Variants in PRUNE2 observed in about 807,000 individuals in gnomAD.
PRUNE2 encodes the protein protein prune homolog 2.
PRUNE2 carries 164 observed loss-of-function variants against 252.0 expected under a neutral mutation model. The observed-to-expected ratio is 0.65, with a 90% CI of 0.57 to 0.74. The LOEUF (loss-of-function observed/expected upper bound fraction) is 0.74, where lower values mean the gene tolerates loss of function less well. Among genes scored for constraint, PRUNE2 ranks in the 30% least tolerant of loss-of-function variants. PRUNE2 has a pLI of 0.00. For missense variants in PRUNE2, 3,495 were observed against 3,711.0 expected (o/e 0.94, Z 1.51); for synonymous variants, 1,292 against 1,350.2 (o/e 0.96, Z 0.94).
At chr9:76,788,431 A>G in intron 6 of PRUNE2, 2 of 758,592 alleles carry the variant, frequency 2.6e-6, no homozygotes, top group Admixed American at 1.8e-5. Context: ...GGTGCACTGT[A>G]GCACAGTGGT....
rs1335823458 is a variant in PRUNE2 at position 76,707,986 on chromosome 9, G to A, written c.4288C>T (p.His1430Tyr). 4 of 1,613,866 alleles carry A rather than the reference G, an allele frequency of 2.5e-6. No homozygotes were observed. The highest frequency in any genetic ancestry group is 3.4e-6 in the Non-Finnish European group (4 of 1,179,860). ...SADNLQPKDT[H>Y]EKHLMSQRNS... ...CTTTGACTCATGAGGTGTTTTTCATGGGTATCTTTTGGCTGCAGGTTATCT... is the reference window on the plus strand; with the variant it reads ...CTTTGACTCATGAGGTGTTTTTCATAGGTATCTTTTGGCTGCAGGTTATCT... Residue 1430 changes from histidine to tyrosine, a missense_variant, in exon 8 of 19, where the codon CAT (histidine) becomes TAT (tyrosine). Coordinates refer to ENST00000376718, the MANE Select transcript of PRUNE2 (RefSeq NM_015225.3).
intron 6 of PRUNE2, among the ~76,000 whole-genome samples, chr9:76,823,055 A>C (rs982472484): frequency 6.6e-6 from 1 of 152,002 alleles, no homozygotes; most frequent in African/African-American, 2.4e-5. Context: ...GTCATTGAAA[A>C]CTCCCAAAGT....
intron 9 of PRUNE2, among the ~76,000 whole-genome samples, chr9:76,666,336 C>G (rs1267075613): frequency 6.6e-6 from 1 of 152,194 alleles, no homozygotes; most frequent in East Asian, 1.9e-4. Context: ...GGCCTGACAT[C>G]AGTCAGGCTT....
At chr9:76,678,041 T>G (rs2042913489) in intron 9 of PRUNE2, among the ~76,000 whole-genome samples, 1 of 152,060 alleles carries the variant, frequency 6.6e-6, no homozygotes, top group Middle Eastern at 3.2e-3. Context: ...AAAGGCTCTA[T>G]GCCAATTAAG....
intron 1 of PRUNE2, among the ~76,000 whole-genome samples, chr9:76,905,664 G>A (rs1170569336): frequency 1.3e-5 from 2 of 152,288 alleles, no homozygotes; most frequent in African/African-American, 2.4e-5. Context: ...AGGGACCGAA[G>A]CTGGACTGAA....
chr9:76,855,780 T>C (rs1231479284), intron 1 of PRUNE2, among the ~76,000 whole-genome samples: 1 of 152,140 alleles, frequency 6.6e-6, no homozygotes, highest in African/African-American at 2.4e-5. Context: ...ATAATTACAA[T>C]CCCCTCCCTT....
intron 9 of PRUNE2, among the ~76,000 whole-genome samples, chr9:76,676,510 T>C (rs1213118821): frequency 6.6e-6 from 1 of 152,158 alleles, no homozygotes; most frequent in African/African-American, 2.4e-5. Context: ...GGATAATATC[T>C]AGGAAGAATA....
At chr9:76,692,717 G>T (rs1536820) in intron 9 of PRUNE2, 42,088 of 152,778 alleles carry the variant, frequency 0.28, 7,337 homozygotes, top group East Asian at 0.59. Flanking sequence ...CAAGTTCAAA[G>T]CTGATTTCTA....
intron 1 of PRUNE2, among the ~76,000 whole-genome samples, chr9:76,865,707 C>T (rs1462284835): frequency 6.6e-6 from 1 of 151,938 alleles, no homozygotes; most frequent in East Asian, 1.9e-4. Flanking sequence ...TTGTTAATAG[C>T]ACAAAAGTCA....
intron 6 of PRUNE2, among the ~76,000 whole-genome samples, chr9:76,822,416 T>C (rs972193875): frequency 6.6e-6 from 1 of 152,216 alleles, no homozygotes; most frequent in African/African-American, 2.4e-5. Flanking sequence ...AGAAAGCACC[T>C]GGCTTGCTCT....
chr9:76,688,109 C>T (rs1319626429), intron 9 of PRUNE2, among the ~76,000 whole-genome samples: 1 of 152,204 alleles, frequency 6.6e-6, no homozygotes, highest in Non-Finnish European at 1.5e-5. Context: ...TTTGGCCTCA[C>T]CCCTGCCCTG....
At chr9:76,658,895 G>T (rs922516401) in intron 9 of PRUNE2, among the ~76,000 whole-genome samples, 2 of 152,216 alleles carry the variant, frequency 1.3e-5, no homozygotes, top group Non-Finnish European at 2.9e-5. Context: ...CTGGCTCTCT[G>T]CCTTTTGAGT....
chr9:76,753,351 T>C (rs2050795200), intron 6 of PRUNE2, among the ~76,000 whole-genome samples: 1 of 83,324 alleles, frequency 1.2e-5, no homozygotes, highest in Non-Finnish European at 2.2e-5. Context: ...AGCATATTTA[T>C]TACTAAAGGA....
intron 15 of PRUNE2, among the ~76,000 whole-genome samples, chr9:76,635,803 G>A (rs1470746031): frequency 6.6e-6 from 1 of 152,146 alleles, no homozygotes; most frequent in Non-Finnish European, 1.5e-5. Context: ...AAGCTATCTA[G>A]AAAGTAAATA....
chr9:76,816,810 A>C (rs914370539), intron 6 of PRUNE2, among the ~76,000 whole-genome samples: 1 of 152,242 alleles, frequency 6.6e-6, no homozygotes, highest in Non-Finnish European at 1.5e-5. Flanking sequence ...GCTAAATCAC[A>C]GCAAGAAAAA....
intron 9 of PRUNE2, chr9:76,691,833 G>A: frequency 2.0e-6 from 1 of 492,398 alleles, no homozygotes; most frequent in African/African-American, 2.0e-5. Context: ...TGATAGCCAA[G>A]AAAGGGGCGG....
chr9:76,767,451 C>CAAAA (rs33948203), intron 6 of PRUNE2, among the ~76,000 whole-genome samples: 1 of 146,474 alleles, frequency 6.8e-6, no homozygotes, highest in African/African-American at 2.5e-5. Flanking sequence ...AACTCTGTCT[C>CAAAA]AAAAAAAAAA....
At chr9:76,642,177 T>C (rs979471859) in intron 12 of PRUNE2, among the ~76,000 whole-genome samples, 3 of 152,108 alleles carry the variant, frequency 2.0e-5, no homozygotes, top group African/African-American at 4.8e-5. Context: ...AACCCCTCTT[T>C]GCTTTTATTT....
At chr9:76,867,711 G>A (rs2060928251) in intron 1 of PRUNE2, among the ~76,000 whole-genome samples, 2 of 152,234 alleles carry the variant, frequency 1.3e-5, no homozygotes, top group South Asian at 4.2e-4. Context: ...TGGGATTACA[G>A]GCGCGTGCCA....
Sources: gnomAD v4.1 joint callset for allele counts (sites outside exome capture counted in the v4.1 genomes callset) on GRCh38, gnomAD v4.1.1 for gene constraint, MANE v1.5 for transcripts, NCBI Gene and HGNC (gene_info 2026-07-23, HGNC 2026-07-21) for gene names.